TTN: variants seen among roughly 807,000 people sequenced by gnomAD.
TTN encodes connectin.
Under a neutral mutation model 3,223.0 loss-of-function variants are expected in TTN, and 1,525 were observed. That is an observed-to-expected ratio of 0.47 (90% CI 0.45 to 0.49). The LOEUF (loss-of-function observed/expected upper bound fraction) is 0.49. TTN is among the 20% of genes least tolerant of loss of function. The pLI, the probability that TTN is intolerant of heterozygous loss-of-function variation, is 0.00. For synonymous variants in TTN, 14,094 were observed against 15,161.0 expected (o/e 0.93, Z 5.17); for missense variants, 40,786 against 43,424.0 (o/e 0.94, Z 5.40).
intron 43 of TTN, 93 bp from the exon 44 acceptor site, chr2:178,759,265 T>A: frequency 8.0e-7 from 1 of 1,244,948 alleles, no homozygotes; most frequent in Non-Finnish European, 1.2e-6. Context: ...TACTAGTGCC[T>A]ACATTTCATA....
At position 178,604,098 on chromosome 2, in the gene TTN, G is replaced by C. The variant is rs1475050139; in HGVS notation, c.54589C>G (p.Pro18197Ala). The change falls in exon 282 of 363, where the codon CCA (proline) becomes GCA (alanine). Residue 18197 changes from proline to alanine, a missense_variant. Pro to Ala is a conservative substitution (Grantham distance 27). Transcript: ENST00000589042. ...TTCTCCAGCCAGTAGCCAGTAATTG[G>C]AGAGCCACCATTGTCCAAAGGAGGA... is the stretch of plus-strand genomic sequence containing the variant. ...WTPPLDNGGSPITGYWLEKRE... is the reference protein window; with the variant it reads ...WTPPLDNGGSAITGYWLEKRE... The C allele has an allele frequency of 6.2e-7, 1 of 1,612,550 alleles. No individual in the cohort carries two copies. Among genetic ancestry groups the C allele is most frequent in the Non-Finnish European group, 8.5e-7 (1 of 1,179,100 alleles).
rs1687028450 is a variant in TTN, at chr2:178,527,680, A to G, written c.107446T>C (p.Phe35816Leu). Reference sequence around the variant, plus strand: ...GACATTTGGACTGACTGAGACGAGAAGCTTCCTTGCAAGCTTGTGTCACCA... The same window carrying G: ...GACATTTGGACTGACTGAGACGAGAGGCTTCCTTGCAAGCTTGTGTCACCA... The part of the protein sequence containing the change: ...TSGDTSLQGS[F>L]SSQSVQMSAS... The change falls in exon 362 of 363, where the codon TTC becomes CTC. Residue 35816 changes from phenylalanine (F) to leucine (L), a missense_variant. Phe to Leu is a conservative substitution (Grantham distance 22). Transcript: ENST00000589042. The G allele has an allele frequency of 9.9e-6, 16 of 1,613,350 alleles. No individual in the cohort carries two copies. Among genetic ancestry groups the G allele is most frequent in the Non-Finnish European group, 1.4e-5 (16 of 1,179,454 alleles).
At chr2:178,707,427 T>G in intron 100 of TTN, 99 bp downstream of exon 100, 1 of 1,381,294 alleles carries the variant, frequency 7.2e-7, no homozygotes, top group Non-Finnish European at 9.6e-7. Flanking sequence ...CAACTGATAT[T>G]TCTAAAAATC....
chr2:178,544,121 A>G lies in TTN; in HGVS notation c.96029-6T>C. On this transcript the variant is annotated splice_polypyrimidine_tract_variant and splice_region_variant and intron_variant, in intron 345 of 362. Coordinates refer to ENST00000589042, the MANE Select transcript of TTN (RefSeq NM_001267550.2). ...AAGCTCAAGATCTGGTATTTCTGGA[A>G]AGTTAATGACAAAATTTAATTAATT... 6.2e-7 allele frequency: 1 copy of G among 1,603,818 alleles called. No homozygotes were observed. The highest frequency in any genetic ancestry group is 1.3e-5 in the African/African-American group (1 of 74,598).
rs755545981 is a variant in TTN at position 178,543,932 on chromosome 2, A to C, written c.96212T>G (p.Ile32071Arg). The change falls in exon 346 of 363, where the codon ATA becomes AGA. Residue 32071 changes from isoleucine to arginine, a missense_variant. Coordinates refer to ENST00000589042, the MANE Select transcript of TTN (RefSeq NM_001267550.2). ...IDTTESYSLLIVDKVNRYDAG... is the reference protein window; with the variant it reads ...IDTTESYSLLRVDKVNRYDAG... Reference sequence around the variant, plus strand: ...ATCGTACCGATTAACTTTGTCCACTATTAGCAATGAGTAGCTCTCAGTGGT... The same window carrying C: ...ATCGTACCGATTAACTTTGTCCACTCTTAGCAATGAGTAGCTCTCAGTGGT... 14 of 1,613,552 alleles carry C rather than the reference A, an allele frequency of 8.7e-6. No individual in the cohort carries two copies. The highest frequency in any genetic ancestry group is 1.3e-5 in the African/African-American group (1 of 74,856).
chr2:178,560,104 C>T lies in TTN; in HGVS notation c.86028G>A (p.Leu28676=). 6.2e-7 allele frequency: 1 copy of T among 1,613,704 alleles called. No homozygotes were observed. Among genetic ancestry groups the T allele is most frequent in the Non-Finnish European group, 8.5e-7 (1 of 1,179,792 alleles). Residue 28676 remains leucine, a synonymous_variant, in exon 326 of 363, where the codon CTG becomes CTA. Coordinates refer to ENST00000589042, the MANE Select transcript of TTN (RefSeq NM_001267550.2). ...CAGTTATCGGGGCCCCACCATCAAA[C>T]AGCGGCTTAACCCAGGCAATAGTTA... is the stretch of plus-strand genomic sequence containing the variant. ...TTITIAWVKP[L]FDGGAPITGY... is the part of the protein sequence containing the mutation.
In TTN at chr2:178,544,279, T is replaced by C. The variant is rs2154144165; in HGVS notation, c.95950A>G (p.Arg31984Gly). The change falls in exon 345 of 363, where the codon AGA becomes GGA. Residue 31984 changes from arginine to glycine, a missense_variant. Transcript: ENST00000589042. Reference sequence around the variant, plus strand: ...CCCTTCACGTTCACGGCAGCAACTCTGAAGGAATATTTCTGGCCCATTTTA... The same window carrying C: ...CCCTTCACGTTCACGGCAGCAACTCCGAAGGAATATTTCTGGCCCATTTTA... ...DLKMGQKYSF[R>G]VAAVNVKGMS... 1.2e-6 allele frequency: 2 copies of C among 1,613,852 alleles called. No individual in the cohort carries two copies. Among genetic ancestry groups the C allele is most frequent in the Non-Finnish European group, 1.7e-6 (2 of 1,179,744 alleles).
At position 178,632,933 on chromosome 2, in the gene TTN, T is replaced by G. The variant is rs775820574; in HGVS notation, c.43198A>C (p.Asn14400His). The change falls in exon 234 of 363, where the codon AAT becomes CAT. Residue 14400 changes from asparagine to histidine, a missense_variant. Asn to His is a moderately conservative substitution (Grantham distance 68). Coordinates refer to ENST00000589042, the MANE Select transcript of TTN (RefSeq NM_001267550.2). ...TAGAGCATACCTTTCACTTTCAGATTGGCTGCAGATTTGGCATTAGCAGCC... is the reference window on the plus strand; with the variant it reads ...TAGAGCATACCTTTCACTTTCAGATGGGCTGCAGATTTGGCATTAGCAGCC... The part of the protein sequence containing the change: ...FQAANAKSAA[N>H]LKVKELPLIF... The G allele has an allele frequency of 1.2e-6, 2 of 1,612,762 alleles. No individual in the cohort carries two copies. The highest frequency in any genetic ancestry group is 1.7e-6 in the Non-Finnish European group (2 of 1,179,306).
Position 178,681,767 on chromosome 2 carries a change from G to A in TTN, c.33095-29C>T, listed in dbSNP as rs756276759. The A allele has an allele frequency of 1.2e-5, 19 of 1,522,312 alleles. No homozygotes were observed. The Admixed American group carries it at 2.9e-4, about 23-fold the overall frequency. The allele number at this position is 1,522,312 out of a possible 1,614,324, so 94.3% of individuals were successfully genotyped here. On this transcript the variant is annotated intron_variant, in intron 135 of 362. Coordinates refer to ENST00000589042, the MANE Select transcript of TTN (RefSeq NM_001267550.2). ...TAAAAGTACATACAAGGTATTTCATGTTAGACTTAGAATATAAGTTTAAAC... is the reference window on the plus strand; with the variant it reads ...TAAAAGTACATACAAGGTATTTCATATTAGACTTAGAATATAAGTTTAAAC...
At position 178,712,493 on chromosome 2, in the gene TTN, A is replaced by G. The variant is rs753291492; in HGVS notation, c.27429T>C (p.Val9143=). The change falls in exon 95 of 363, where the codon GTT becomes GTC. Residue 9143 remains valine (V), a synonymous_variant. Coordinates refer to ENST00000589042, the MANE Select transcript of TTN (RefSeq NM_001267550.2). ...CATTTATGCCATTTTTCTTCCAGGT[A>G]ACCGAAATGGGAGGAGTTCCAGTGA... is the stretch of plus-strand genomic sequence containing the variant. The part of the protein sequence containing the change: ...GTFTGTPPIS[V]TWKKNGINVT... 2 of 1,613,804 alleles carry G rather than the reference A, an allele frequency of 1.2e-6. No individual in the cohort carries two copies. The highest frequency in any genetic ancestry group is 1.7e-5 in the Admixed American group (1 of 59,986).
rs372875128 is a variant in TTN at position 178,531,209 on chromosome 2, G to T, written c.105406C>A (p.Arg35136=). 1 of 1,613,970 alleles carries T rather than the reference G, an allele frequency of 6.2e-7. No individual in the cohort carries two copies. Among genetic ancestry groups the T allele is most frequent in the Non-Finnish European group, 8.5e-7 (1 of 1,179,860 alleles). Reference sequence around the variant, plus strand: ...TCGCCCTCGTAGACGGTCATGGACCGTGGCTTTGTTAGAATTCTTGCTGCC... The same window carrying T: ...TCGCCCTCGTAGACGGTCATGGACCTTGGCTTTGTTAGAATTCTTGCTGCC... ...TLAARILTKP[R]SMTVYEGESA... Residue 35136 remains arginine (R), a synonymous_variant, in exon 358 of 363, where the codon CGG becomes AGG. Transcript: ENST00000589042.
At position 178,728,870 on chromosome 2, in the gene TTN, GA is replaced by G; in HGVS notation, c.19147+20del. The G allele has an allele frequency of 6.3e-7, 1 of 1,577,994 alleles. No individual in the cohort carries two copies. The highest frequency in any genetic ancestry group is 8.6e-7 in the Non-Finnish European group (1 of 1,160,144). ...GAAACTGTCGCTATAGACTATCTTTGAAAGAGAATAGCTTACAAACCTTGTA... is the reference window on the plus strand; with the variant it reads ...GAAACTGTCGCTATAGACTATCTTTGAAGAGAATAGCTTACAAACCTTGTA... On this transcript the variant is annotated intron_variant, in intron 65 of 362. Coordinates refer to ENST00000589042, the MANE Select transcript of TTN (RefSeq NM_001267550.2).
At chr2:178,770,808 C>T (rs768078326) in intron 34 of TTN, 133 bp from the exon 35 acceptor site, 2 of 1,179,692 alleles carry the variant, frequency 1.7e-6, no homozygotes, top group Non-Finnish European at 2.5e-6. Context: ...TGCAGCACCT[C>T]TGTTTTAAAA....
chr2:178,541,441 A>T lies in TTN; in HGVS notation c.97636T>A (p.Trp32546Arg), dbSNP rs751074577. The change falls in exon 350 of 363, where the codon TGG becomes AGG. Residue 32546 changes from tryptophan to arginine, a missense_variant. Transcript: ENST00000589042. ...ACAGGTACTTTATTTACACGGACCCATCGATCTGCTCTCACTTCTTTGCGC... is the reference window on the plus strand; with the variant it reads ...ACAGGTACTTTATTTACACGGACCCTTCGATCTGCTCTCACTTCTTTGCGC... ...VERKEVRADR[W>R]VRVNKVPVTM... 1.2e-6 allele frequency: 2 copies of T among 1,613,396 alleles called. No individual in the cohort carries two copies. Among genetic ancestry groups the T allele is most frequent in the Non-Finnish European group, 1.7e-6 (2 of 1,179,612 alleles).
chr2:178,617,067 C>T, intron 255 of TTN, 53 bp downstream of exon 255: 1 of 1,610,828 alleles, frequency 6.2e-7, no homozygotes, highest in South Asian at 1.1e-5. Context: ...GTCCCTGTTG[C>T]CCCAAAGTAG....
In TTN at chr2:178,725,435, T is replaced by C. The variant is rs1424566774; in HGVS notation, c.20769A>G (p.Gly6923=). The C allele has an allele frequency of 6.2e-7, 1 of 1,612,252 alleles. No individual in the cohort carries two copies. The highest frequency in any genetic ancestry group is 8.5e-7 in the Non-Finnish European group (1 of 1,179,040). ...CATTCTTGATTTGGCAGATATACTTTCCAGCATTAGCTGGCTCTGCTTTTG... is the reference window on the plus strand; with the variant it reads ...CATTCTTGATTTGGCAGATATACTTCCCAGCATTAGCTGGCTCTGCTTTTG... The part of the protein sequence containing the change: ...QFAKAEPANA[G]KYICQIKNDG... Residue 6923 remains glycine, a synonymous_variant, in exon 71 of 363, where the codon GGA becomes GGG. Transcript: ENST00000589042.
At chr2:178,664,429 TC>T in intron 168 of TTN, 30 bp downstream of exon 168, 1 of 1,545,424 alleles carries the variant, frequency 6.5e-7, no homozygotes, top group South Asian at 1.2e-5. Flanking sequence ...CCACCCACTA[TC>T]CCACCATAAA....
In TTN at chr2:178,614,721, G is replaced by A; in HGVS notation, c.48793C>T (p.Leu16265Phe). The A allele has an allele frequency of 6.2e-7, 1 of 1,610,572 alleles. No homozygotes were observed. Among genetic ancestry groups the A allele is most frequent in the Middle Eastern group, 1.7e-4 (1 of 6,036 alleles). Residue 16265 changes from leucine to phenylalanine, a missense_variant, in exon 261 of 363, where the codon CTT (leucine) becomes TTT (phenylalanine). By Grantham distance (22) the Leu-to-Phe change is conservative (BLOSUM62 0). Coordinates refer to ENST00000589042, the MANE Select transcript of TTN (RefSeq NM_001267550.2). ...APEIFLDVKL[L>F]AGLTVKAGTK... ...CCAGCTTTTACAGTGAGACCAGCAA[G>A]GAGCTTCACATCGAGGAAGATTTCT...
chr2:178,796,459 G>GA (rs1461439873), intron 6 of TTN, among the ~76,000 whole-genome samples: 3 of 152,038 alleles, frequency 2.0e-5, no homozygotes, highest in Admixed American at 6.5e-5. Flanking sequence ...ACATTAACCA[G>GA]TTTCACGAAG....
Sources: gnomAD v4.1 joint callset for allele counts (sites outside exome capture counted in the v4.1 genomes callset) on GRCh38, gnomAD v4.1.1 for gene constraint, MANE v1.5 for transcripts, NCBI Gene and HGNC (gene_info 2026-07-23, HGNC 2026-07-21) for gene names.